Variants in MSRA observed in about 807,000 individuals in gnomAD.
MSRA encodes methionine sulfoxide reductase A, also known as mitochondrial peptide methionine sulfoxide reductase.
A neutral mutation model predicts 31.3 loss-of-function variants in MSRA; 54 were observed. That is an observed-to-expected ratio of 1.73 (90% CI 1.39 to 2.17). MSRA has a LOEUF of 2.17. MSRA is among the 30% of genes most tolerant of loss of function. The pLI, the probability that MSRA is intolerant of heterozygous loss-of-function variation, is 0.00. For missense variants in MSRA, 507 were observed against 300.9 expected (o/e 1.69, Z -5.07); for synonymous variants, 169 against 116.5 (o/e 1.45, Z -2.90).
At position 10,315,068 on chromosome 8, in the gene MSRA, G is replaced by C. The variant is rs1801635045; in HGVS notation, c.437-4815G>C. Among the ~76,000 whole-genome samples, 4 of 152,176 alleles carry C rather than the reference G, an allele frequency of 2.6e-5. No individual in the cohort carries two copies. The South Asian group carries it at 6.2e-4, about 24-fold the overall frequency. ...TTATTACATGGCAGCAGGCAAGAGA[G>C]TGTGTGTAGGGGAACTGACCTTTAT... On this transcript the variant is annotated intron_variant, in intron 4 of 5. Transcript: ENST00000317173.
At chr8:10,383,444 T>C (rs1469617540) in intron 5 of MSRA, among the ~76,000 whole-genome samples, 1 of 152,200 alleles carries the variant, frequency 6.6e-6, no homozygotes, top group Non-Finnish European at 1.5e-5. Flanking sequence ...AAGCAGCTTC[T>C]GAGCTCTAGT....
Position 10,360,405 on chromosome 8 carries a change from C to T in MSRA, c.543+40416C>T, listed in dbSNP as rs554486055. Among the ~76,000 whole-genome samples, 3 of 152,226 alleles carry T rather than the reference C, an allele frequency of 2.0e-5. No individual in the cohort carries two copies. In the East Asian group the frequency reaches 5.8e-4, roughly 29 times the overall value. Reference sequence around the variant, plus strand: ...TGTAATTTGGAGTTCTTGGGGATACCTTGTCACCTAGTTTTGTTGTAAATG... The same window carrying T: ...TGTAATTTGGAGTTCTTGGGGATACTTTGTCACCTAGTTTTGTTGTAAATG... On this transcript the variant is annotated intron_variant, in intron 5 of 5. Coordinates refer to ENST00000317173, the MANE Select transcript of MSRA (RefSeq NM_012331.5).
chr8:10,219,879 T>A (rs1810339570), intron 2 of MSRA, among the ~76,000 whole-genome samples: 1 of 151,942 alleles, frequency 6.6e-6, no homozygotes, highest in Admixed American at 6.6e-5. Context: ...TTTTTTTGTT[T>A]GTTTGTTTTT....
intron 5 of MSRA, among the ~76,000 whole-genome samples, chr8:10,355,659 C>T (rs1763482196): frequency 6.6e-6 from 1 of 152,162 alleles, no homozygotes; most frequent in African/African-American, 2.4e-5. Context: ...AAAGTGGTAG[C>T]TTCTGAATGT....
chr8:10,070,790 A>T (rs1797695055), intron 1 of MSRA, among the ~76,000 whole-genome samples: 2 of 152,206 alleles, frequency 1.3e-5, no homozygotes, highest in Non-Finnish European at 2.9e-5. Context: ...TTCAGTCAGC[A>T]CAATTCCCTG....
chr8:10,259,971 T>A (rs1798387494), intron 3 of MSRA, among the ~76,000 whole-genome samples: 1 of 152,312 alleles, frequency 6.6e-6, no homozygotes, highest in East Asian at 1.9e-4. Context: ...TCTGAGGACC[T>A]CAACACAGAC....
intron 1 of MSRA, among the ~76,000 whole-genome samples, chr8:10,199,316 T>TTTTG (rs1289449560): frequency 2.6e-5 from 4 of 152,060 alleles, no homozygotes; most frequent in African/African-American, 9.7e-5. Context: ...AGGCTGGGTT[T>TTTTG]TTTGTTTGTT....
intron 1 of MSRA, among the ~76,000 whole-genome samples, chr8:10,076,855 A>T (rs1798017821): frequency 6.6e-6 from 1 of 151,690 alleles, no homozygotes; most frequent in African/African-American, 2.4e-5. Context: ...AACATTTAAG[A>T]GCAGAGGATG....
chr8:10,080,710 T>A (rs1798248076), intron 1 of MSRA, among the ~76,000 whole-genome samples: 2 of 150,532 alleles, frequency 1.3e-5, no homozygotes, highest in East Asian at 3.9e-4. Context: ...TTTTTTTTTT[T>A]TAATTTCTAG....
At chr8:10,316,375 G>C (rs1417626766) in intron 4 of MSRA, among the ~76,000 whole-genome samples, 2 of 152,142 alleles carry the variant, frequency 1.3e-5, no homozygotes, top group African/African-American at 4.8e-5. Context: ...TCACCTTTGA[G>C]GGAGTGTCAG....
chr8:10,421,913 G>T (rs780979363), intron 5 of MSRA, among the ~76,000 whole-genome samples: 3 of 152,186 alleles, frequency 2.0e-5, no homozygotes, highest in Non-Finnish European at 4.4e-5. Context: ...CTTAAGGAGG[G>T]CAGGATAGGC....
chr8:10,130,125 G>C (rs1009081853), intron 1 of MSRA, among the ~76,000 whole-genome samples: 1 of 152,112 alleles, frequency 6.6e-6, no homozygotes. Context: ...TATCAAGGAC[G>C]CTAAACATTC....
intron 1 of MSRA, among the ~76,000 whole-genome samples, chr8:10,081,054 A>C (rs1262956564): frequency 6.6e-6 from 1 of 152,238 alleles, no homozygotes; most frequent in African/African-American, 2.4e-5. Context: ...AACATGGATT[A>C]AAATGGAGGC....
chr8:10,127,788 T>A (rs553005958), intron 1 of MSRA, among the ~76,000 whole-genome samples: 26 of 152,304 alleles, frequency 1.7e-4, no homozygotes, highest in African/African-American at 5.1e-4. Context: ...TTTGAATGAG[T>A]GCAAGTAAAG....
At chr8:10,055,170 T>TGAAG (rs55789087) in intron 1 of MSRA, among the ~76,000 whole-genome samples, 24 of 152,060 alleles carry the variant, frequency 1.6e-4, no homozygotes, top group African/African-American at 5.8e-4. Flanking sequence ...GTGTTCTGGC[T>TGAAG]GAGTCACCCC....
At chr8:10,141,759 T>A (rs1351931035) in intron 1 of MSRA, among the ~76,000 whole-genome samples, 3 of 152,178 alleles carry the variant, frequency 2.0e-5, no homozygotes, top group Non-Finnish European at 4.4e-5. Flanking sequence ...TTTCTTCTTT[T>A]GACCTGGCAT....
At chr8:10,245,682 G>T (rs1388163778) in intron 3 of MSRA, among the ~76,000 whole-genome samples, 1 of 152,228 alleles carries the variant, frequency 6.6e-6, no homozygotes, top group African/African-American at 2.4e-5. Flanking sequence ...GGGTAATGGG[G>T]ATGATGGACC....
At chr8:10,285,936 A>G (rs1334872266) in intron 3 of MSRA, among the ~76,000 whole-genome samples, 1 of 152,150 alleles carries the variant, frequency 6.6e-6, no homozygotes, top group African/African-American at 2.4e-5. Flanking sequence ...TAATTAGAAG[A>G]TAAAGTGCAA....
intron 3 of MSRA, among the ~76,000 whole-genome samples, chr8:10,262,723 C>T (rs1798545950): frequency 6.6e-6 from 1 of 152,166 alleles, no homozygotes; most frequent in African/African-American, 2.4e-5. Flanking sequence ...GGGTTGGGCA[C>T]TGGTGGACCA....
Sources: allele counts gnomAD v4.1 joint callset (sites outside exome capture counted in the v4.1 genomes callset), GRCh38; gene constraint gnomAD v4.1.1; transcripts MANE v1.5; gene names NCBI Gene and HGNC (gene_info 2026-07-23, HGNC 2026-07-21).